Variants in PDE6C observed in about 807,000 individuals in gnomAD.
The protein encoded by PDE6C is cone cGMP-specific 3',5'-cyclic phosphodiesterase subunit alpha'.
PDE6C carries 75 observed loss-of-function variants against 113.1 expected under a neutral mutation model. That is an observed-to-expected ratio of 0.66 (90% confidence interval 0.55 to 0.80). The LOEUF is 0.80. Among genes scored for constraint, PDE6C ranks in the 30% least tolerant of loss-of-function variants. The pLI, the probability that PDE6C is intolerant of heterozygous loss-of-function variation, is 0.00. For missense variants in PDE6C, 912 were observed against 1,038.6 expected, an observed-to-expected ratio of 0.88 and a Z score of 1.67; for synonymous variants, 375 against 363.7, an observed-to-expected ratio of 1.03 and a Z score of -0.35.
rs1444531186 is a variant in PDE6C, at chr10:93,634,815, G to A, written c.1177G>A (p.Val393Ile). The stretch of plus-strand genomic sequence containing the variant: ...TAAGAATGTTTTGTCCCTGCCTATT[G>A]TCAACAAGAAAGAAGATATTGTGGG... ...VIKNVLSLPIVNKKEDIVGVA... is the reference protein window; with the variant it reads ...VIKNVLSLPIINKKEDIVGVA... Residue 393 changes from valine (V) to isoleucine (I), a missense_variant, in exon 9 of 22, where the codon GTC becomes ATC. Physicochemically the swap from Val to Ile is conservative, Grantham distance 29. Transcript: ENST00000371447. 39 of 1,613,998 alleles carry A rather than the reference G, an allele frequency of 2.4e-5. No homozygotes were observed. The highest frequency in any genetic ancestry group is 3.3e-5 in the Non-Finnish European group (39 of 1,179,996).
At chr10:93,639,711 A>G (rs2058549777) in intron 11 of PDE6C, among the ~76,000 whole-genome samples, 2 of 152,256 alleles carry the variant, frequency 1.3e-5, no homozygotes, top group South Asian at 2.1e-4. Context: ...TATTTCTTGA[A>G]CAGAAAAAAA....
chr10:93,650,798 G>T (rs1257962906), intron 15 of PDE6C, among the ~76,000 whole-genome samples: 1 of 152,254 alleles, frequency 6.6e-6, no homozygotes, highest in Non-Finnish European at 1.5e-5. Flanking sequence ...TAAGCTATAT[G>T]TGTTAACTTT....
At position 93,640,537 on chromosome 10, in the gene PDE6C, A is replaced by C. The variant is rs2058554386; in HGVS notation, c.1717A>C (p.Thr573Pro). ...GCGGCATGGGTTCAACGTGGGGCAG[A>C]CCATGTTTACTTTGCTGATGGTAGG... ...NWRHGFNVGQTMFTLLMTGRL... is the reference protein window; with the variant it reads ...NWRHGFNVGQPMFTLLMTGRL... The change falls in exon 13 of 22, where the codon ACC (threonine) becomes CCC (proline). Residue 573 changes from threonine to proline, a missense_variant. Physicochemically the swap from Thr to Pro is conservative, Grantham distance 38 (BLOSUM62 -1). Coordinates refer to ENST00000371447, the MANE Select transcript of PDE6C (RefSeq NM_006204.4). 6.2e-7 allele frequency: 1 copy of C among 1,612,302 alleles called. No homozygotes were observed.
intron 1 of PDE6C, among the ~76,000 whole-genome samples, chr10:93,619,246 A>G (rs2058434141): frequency 1.3e-5 from 2 of 152,096 alleles, no homozygotes; most frequent in Admixed American, 6.6e-5. Flanking sequence ...AATCTACTCT[A>G]TGAGGTCTGA....
chr10:93,625,456 C>G (rs1006734569), intron 4 of PDE6C, 119 bp from the exon 5 acceptor site: 1 of 736,646 alleles, frequency 1.4e-6, no homozygotes, highest in Non-Finnish European at 2.4e-6. Flanking sequence ...GATCTTTCAG[C>G]ACTAAAATTC....
chr10:93,639,271 C>T (rs1163061707), intron 11 of PDE6C, among the ~76,000 whole-genome samples: 2 of 152,204 alleles, frequency 1.3e-5, no homozygotes, highest in Non-Finnish European at 1.5e-5. Flanking sequence ...CGGCATGGAG[C>T]ACTGGCCATA....
intron 10 of PDE6C, among the ~76,000 whole-genome samples, chr10:93,636,368 T>TTGTG (rs56143950): frequency 0.02 from 2,779 of 141,238 alleles, 44 homozygotes; most frequent in Middle Eastern, 0.039. Context: ...TTCCCTGGCT[T>TTGTG]TGTGTGTGTG....
chr10:93,646,964 C>T (rs112882307), intron 15 of PDE6C, among the ~76,000 whole-genome samples: 2 of 152,256 alleles, frequency 1.3e-5, no homozygotes, highest in African/African-American at 4.8e-5. Context: ...ACAGTGGCAG[C>T]GGAAAGGGGC....
At chr10:93,658,802 T>C (rs2058652725) in intron 16 of PDE6C, 99 bp from the exon 17 acceptor site, 1 of 757,530 alleles carries the variant, frequency 1.3e-6, no homozygotes, top group Non-Finnish European at 2.3e-6. Context: ...GACATCACAA[T>C]GCAAAGTGGG....
At chr10:93,620,105 AC>A (rs1412735227) in intron 1 of PDE6C, among the ~76,000 whole-genome samples, 1 of 152,164 alleles carries the variant, frequency 6.6e-6, no homozygotes, top group African/African-American at 2.4e-5. Context: ...TAGGAGACAC[AC>A]CAGCAGTTAG....
Position 93,638,085 on chromosome 10 carries a change from C to T in PDE6C, c.1482+1022C>T, listed in dbSNP as rs188666614. ...AATCCTGGGATATTTACGAAGACCC[C>T]AAGACCTTGAATTTCAGAGGATTGA... On this transcript the variant is annotated intron_variant, in intron 11 of 21. Coordinates refer to ENST00000371447, the MANE Select transcript of PDE6C (RefSeq NM_006204.4). Among the ~76,000 whole-genome samples, 200 of 152,248 alleles carry T rather than the reference C, an allele frequency of 1.3e-3. 1 individual carries two copies. The Middle Eastern group carries it at 0.034, about 26-fold the overall frequency.
intron 11 of PDE6C, among the ~76,000 whole-genome samples, chr10:93,638,296 G>A (rs2058543536): frequency 6.6e-6 from 1 of 152,072 alleles, no homozygotes; most frequent in Non-Finnish European, 1.5e-5. Flanking sequence ...CCTTTGCTCT[G>A]CTACCATAAG....
At chr10:93,657,283 T>A (rs1012878384) in intron 16 of PDE6C, among the ~76,000 whole-genome samples, 8 of 150,434 alleles carry the variant, frequency 5.3e-5, no homozygotes, top group Admixed American at 1.3e-4. Context: ...TGCCTCAGCC[T>A]CCAGAGTAGC....
chr10:93,621,086 C>T lies in PDE6C; in HGVS notation c.723+106C>T, dbSNP rs746420407. ...CTATTCCTCCTGGGGGTGTAAGCCA[C>T]GTGGAACAGATCCCCAAACTTCAGT... On this transcript the variant is annotated intron_variant, in intron 3 of 21. Coordinates refer to ENST00000371447, the MANE Select transcript of PDE6C (RefSeq NM_006204.4). 4.3e-4 allele frequency: 375 copies of T among 882,108 alleles called. 1 individual carries two copies. Among genetic ancestry groups the T allele is most frequent in the Admixed American group, 1.1e-3 (65 of 58,862 alleles). 54.6% of individuals were successfully genotyped at this position (882,108 alleles called of 1,614,324 possible).
At chr10:93,637,947 T>C (rs564975717) in intron 11 of PDE6C, among the ~76,000 whole-genome samples, 35 of 152,212 alleles carry the variant, frequency 2.3e-4, no homozygotes, top group African/African-American at 6.3e-4. Flanking sequence ...GAGTTTCTTC[T>C]GGCAGGTGAG....
At chr10:93,663,716 T>G (rs1026983054) in intron 21 of PDE6C, among the ~76,000 whole-genome samples, 4 of 152,164 alleles carry the variant, frequency 2.6e-5, no homozygotes, top group Non-Finnish European at 5.9e-5. Flanking sequence ...TGGCATGAGA[T>G]TCCTGTGCCA....
chr10:93,629,519 C>T (rs919869650), intron 8 of PDE6C, among the ~76,000 whole-genome samples: 1 of 152,150 alleles, frequency 6.6e-6, no homozygotes, highest in African/African-American at 2.4e-5. Flanking sequence ...AGGGAGGGGA[C>T]CTGCCACTCC....
chr10:93,612,606 G>A lies in PDE6C; in HGVS notation c.-120G>A. On this transcript the variant is annotated 5_prime_UTR_variant, in exon 1 of 22. Transcript: ENST00000371447. ...GCTTGACCTTTGGAAGTCCTATGAG[G>A]GACCATTTACGGTTTCCTCAGTAAT... 7.2e-7 allele frequency: 1 copy of A among 1,380,658 alleles called. No homozygotes were observed. The highest frequency in any genetic ancestry group is 2.3e-5 in the East Asian group (1 of 43,818). The allele number at this position is 1,380,658 out of a possible 1,614,324, so 85.5% of individuals were successfully genotyped here.
At chr10:93,622,893 G>T (rs183562475) in intron 4 of PDE6C, among the ~76,000 whole-genome samples, 2 of 152,162 alleles carry the variant, frequency 1.3e-5, no homozygotes, top group East Asian at 3.9e-4. Flanking sequence ...TATCTTGGTT[G>T]CTTCTAATAT....
Sources: allele counts gnomAD v4.1 joint callset (sites outside exome capture counted in the v4.1 genomes callset), GRCh38; gene constraint gnomAD v4.1.1; transcripts MANE v1.5; gene names NCBI Gene and HGNC (gene_info 2026-07-23, HGNC 2026-07-21).